SUGCT: variants seen among roughly 807,000 people sequenced by gnomAD.
The protein encoded by SUGCT is succinyl-CoA:glutarate-CoA transferase.
SUGCT carries 41 observed loss-of-function variants against 55.0 expected under a neutral mutation model. That is an observed-to-expected ratio of 0.74 (90% CI 0.58 to 0.97). The LOEUF (loss-of-function observed/expected upper bound fraction) is 0.97. SUGCT is among the 50% of genes least tolerant of loss of function. The pLI is 0.00. For missense variants in SUGCT, 568 were observed against 547.8 expected (o/e 1.04, Z -0.37); for synonymous variants, 187 against 200.4 (o/e 0.93, Z 0.56).
At chr7:40,599,042 T>A (rs1454933917) in intron 12 of SUGCT, among the ~76,000 whole-genome samples, 1 of 152,204 alleles carries the variant, frequency 6.6e-6, no homozygotes. Context: ...CCTACCTTCC[T>A]CTCCACTTCC....
At chr7:40,290,283 G>C (rs1366419235) in intron 8 of SUGCT, among the ~76,000 whole-genome samples, 1 of 152,126 alleles carries the variant, frequency 6.6e-6, no homozygotes, top group African/African-American at 2.4e-5. Context: ...AACCAAAACA[G>C]CATGCTACTG....
chr7:40,867,892 CTA>C, the SUGCT span, among the ~76,000 whole-genome samples: 7 of 152,174 alleles, frequency 4.6e-5, no homozygotes, highest in African/African-American at 1.4e-4. Flanking sequence ...TTCTATTAAA[CTA>C]TAATATAATT....
At chr7:40,192,969 GT>G (rs1199959991) in intron 5 of SUGCT, among the ~76,000 whole-genome samples, 110 of 138,036 alleles carry the variant, frequency 8.0e-4, no homozygotes, top group Admixed American at 2.2e-3. Context: ...TTGTAGTAGT[GT>G]TTTTTTTTTT....
chr7:40,799,938 G>A (rs988284880), intron 13 of SUGCT, among the ~76,000 whole-genome samples: 10 of 152,148 alleles, frequency 6.6e-5, no homozygotes, highest in African/African-American at 2.4e-4. Context: ...GAAAAACTGC[G>A]AGATTTTATT....
At chr7:40,517,594 A>C (rs1793310561) in intron 12 of SUGCT, among the ~76,000 whole-genome samples, 1 of 152,102 alleles carries the variant, frequency 6.6e-6, no homozygotes, top group Admixed American at 6.6e-5. Context: ...ACATATTTAT[A>C]ATGACTGTTT....
chr7:40,622,754 C>A (rs552737239), intron 12 of SUGCT, among the ~76,000 whole-genome samples: 1 of 151,568 alleles, frequency 6.6e-6, no homozygotes, highest in African/African-American at 2.4e-5. Context: ...GGCTGGCTGT[C>A]GGGGTGGGAA....
At chr7:40,155,584 T>C (rs1360505563) in intron 1 of SUGCT, among the ~76,000 whole-genome samples, 3 of 152,176 alleles carry the variant, frequency 2.0e-5, no homozygotes, top group Non-Finnish European at 4.4e-5. Context: ...TTCCAGTGGC[T>C]AGGGGCTATC....
At chr7:40,757,008 A>G (rs1390860630) in intron 13 of SUGCT, among the ~76,000 whole-genome samples, 4 of 152,066 alleles carry the variant, frequency 2.6e-5, no homozygotes, top group African/African-American at 7.2e-5. Context: ...GTCCTCAATT[A>G]TTTTTTTACC....
intron 9 of SUGCT, among the ~76,000 whole-genome samples, chr7:40,377,189 TC>T (rs1182400347): frequency 8.5e-5 from 1 of 11,764 alleles, no homozygotes; most frequent in East Asian, 9.8e-3. Context: ...TTTCTTTCTT[TC>T]TTTCTTTCTT....
rs1194048887 is a variant in SUGCT, at chr7:40,280,092, A to G, written c.720+5436A>G. 2.0e-5 allele frequency among the ~76,000 whole-genome samples: 3 copies of G among 152,304 alleles called. No homozygotes were observed. In the East Asian group the frequency reaches 5.8e-4, roughly 29 times the overall value. ...ATCTAGTGTAAAAAAGACAATTTAC[A>G]CCTGATTGGAATAGTAGCTAATTAT... On this transcript the variant is annotated intron_variant, in intron 8 of 13. Coordinates refer to ENST00000335693, the MANE Select transcript of SUGCT (RefSeq NM_001193313.2).
At chr7:40,505,180 A>G (rs940004929) in intron 12 of SUGCT, among the ~76,000 whole-genome samples, 2 of 151,928 alleles carry the variant, frequency 1.3e-5, no homozygotes, top group African/African-American at 2.4e-5. Flanking sequence ...TAGCCACTCT[A>G]TTCTCTTTCA....
intron 9 of SUGCT, among the ~76,000 whole-genome samples, chr7:40,393,149 G>A (rs1785534136): frequency 6.6e-6 from 1 of 152,128 alleles, no homozygotes; most frequent in Non-Finnish European, 1.5e-5. Context: ...CTGAGTCATG[G>A]TGCATGGGGG....
chr7:40,427,115 T>G (rs1204045836), intron 9 of SUGCT, among the ~76,000 whole-genome samples: 1 of 152,176 alleles, frequency 6.6e-6, no homozygotes, highest in Non-Finnish European at 1.5e-5. Flanking sequence ...CAGCTAAGAA[T>G]AGCACATTTT....
intron 12 of SUGCT, among the ~76,000 whole-genome samples, chr7:40,596,399 C>T (rs1385602998): frequency 2.0e-5 from 3 of 152,182 alleles, no homozygotes; most frequent in Non-Finnish European, 2.9e-5. Flanking sequence ...TCTGCCACCG[C>T]TTTCCTGAAT....
intron 9 of SUGCT, among the ~76,000 whole-genome samples, chr7:40,345,094 G>A (rs985563159): frequency 1.3e-5 from 2 of 152,106 alleles, no homozygotes; most frequent in Non-Finnish European, 2.9e-5. Context: ...CTTTAATTGT[G>A]GTTTCTACAG....
intron 13 of SUGCT, among the ~76,000 whole-genome samples, chr7:40,780,756 T>C (rs1789698827): frequency 6.6e-6 from 1 of 150,702 alleles, no homozygotes; most frequent in Non-Finnish European, 1.5e-5. Context: ...TTTTTTTCTT[T>C]TTCTTTCTTC....
chr7:40,424,621 C>T (rs1366255730), intron 9 of SUGCT, among the ~76,000 whole-genome samples: 5 of 152,208 alleles, frequency 3.3e-5, no homozygotes, highest in South Asian at 2.1e-4. Context: ...GAAGTTGCCA[C>T]GGGGCTCAAA....
chr7:40,604,793 C>T (rs1324401607), intron 12 of SUGCT, among the ~76,000 whole-genome samples: 2 of 152,208 alleles, frequency 1.3e-5, no homozygotes, highest in African/African-American at 4.8e-5. Flanking sequence ...TGAAGAGCCT[C>T]ACCTTTGCCC....
At chr7:41,019,050 C>T in the SUGCT span, among the ~76,000 whole-genome samples, 18 of 152,032 alleles carry the variant, frequency 1.2e-4, no homozygotes, top group African/African-American at 3.1e-4. Flanking sequence ...GGATTACAGG[C>T]GCCTGCCACC....
Sources: gnomAD v4.1 joint callset for allele counts (sites outside exome capture counted in the v4.1 genomes callset) on GRCh38, gnomAD v4.1.1 for gene constraint, MANE v1.5 for transcripts, NCBI Gene and HGNC (gene_info 2026-07-23, HGNC 2026-07-21) for gene names.